Variants in RNF115 observed in about 807,000 individuals in gnomAD.
RNF115 encodes the protein ring finger protein 115.
Under a neutral mutation model 39.2 loss-of-function variants are expected in RNF115, and 31 were observed. The ratio of observed to expected loss-of-function variants is 0.79; its 90% CI spans 0.59 to 1.07. The LOEUF (loss-of-function observed/expected upper bound fraction) is 1.07, where lower values mean the gene tolerates loss of function less well. Ranked by LOEUF, RNF115 falls within the 50% of genes least tolerant of loss-of-function variation. The pLI is 0.00. For synonymous variants in RNF115, 124 were observed against 131.0 expected, an observed-to-expected ratio of 0.95 and a Z score of 0.37; for missense variants, 384 against 381.7, an observed-to-expected ratio of 1.01 and a Z score of -0.05.
At chr1:145,762,275 G>A (rs1397828114) in intron 4 of RNF115, among the ~76,000 whole-genome samples, 1 of 152,164 alleles carries the variant, frequency 6.6e-6, no homozygotes, top group Non-Finnish European at 1.5e-5. Flanking sequence ...GTGAAGACAT[G>A]AGATTTGGAG....
At position 145,771,834 on chromosome 1, in the gene RNF115, G is replaced by C; in HGVS notation, c.305C>G (p.Ala102Gly). The C allele has an allele frequency of 6.2e-7, 1 of 1,614,048 alleles. No homozygotes were observed. The highest frequency in any genetic ancestry group is 8.5e-7 in the Non-Finnish European group (1 of 1,179,932). The change falls in exon 4 of 9, where the codon GCC becomes GGC. Residue 102 changes from alanine (A) to glycine (G), a missense_variant. By Grantham distance (60) the Ala-to-Gly change is moderately conservative. Coordinates refer to ENST00000582693, the MANE Select transcript of RNF115 (RefSeq NM_014455.4). The part of the protein sequence containing the change: ...SSSPLDQDNR[A>G]NERGHQTHTD... ...GTGAGTCTGGTGACCCCTTTCATTG[G>C]CTCTATTATCTTGGTCCAGTGGACT...
At chr1:145,792,369 C>T (rs1313515391) in intron 1 of RNF115, among the ~76,000 whole-genome samples, 2 of 149,946 alleles carry the variant, frequency 1.3e-5, no homozygotes, top group African/African-American at 4.9e-5. Context: ...CTCATTCTGT[C>T]ACCTAGACTG....
rs1249854232 is a variant in RNF115, at chr1:145,750,282, GATTTTTTTTCTT to G, written c.667+113_667+124del. On this transcript the variant is annotated intron_variant, in intron 7 of 8. Coordinates refer to ENST00000582693, the MANE Select transcript of RNF115 (RefSeq NM_014455.4). ...GGTCCTTAATATAGGAAGGTATTGG[GATTTTTTTTCTT>G]ATTTTTTTGTCTTTTTATTTTGTTC... 1.0e-5 allele frequency: 8 copies of G among 767,568 alleles called. No individual in the cohort carries two copies. In the Admixed American group the frequency reaches 1.9e-4, roughly 19 times the overall value. The allele number at this position is 767,568 out of a possible 1,614,324, so 47.5% of individuals were successfully genotyped here.
rs1650469775 is a variant in RNF115 at position 145,824,039 on chromosome 1, C to G, written c.-166G>C. The stretch of plus-strand genomic sequence containing the variant: ...GGCCAGGCCCAGAAACGCGGCGGCG[C>G]CAACAGCTACCCTGCGGCCCGCCTC... On this transcript the variant is annotated 5_prime_UTR_variant, in exon 1 of 9. Transcript: ENST00000582693. 2.0e-6 allele frequency: 1 copy of G among 502,782 alleles called. No individual in the cohort carries two copies. Among genetic ancestry groups the G allele is most frequent in the Non-Finnish European group, 3.4e-6 (1 of 292,812 alleles). The allele number at this position is 502,782 out of a possible 1,614,324, so 31.1% of individuals were successfully genotyped here.
At chr1:145,819,224 C>T (rs1553724056) in intron 1 of RNF115, among the ~76,000 whole-genome samples, 2 of 142,186 alleles carry the variant, frequency 1.4e-5, no homozygotes, top group Non-Finnish European at 3.0e-5. Flanking sequence ...TCGCTTGAGC[C>T]TAGGAGTTCA....
chr1:145,799,257 G>A (rs1285387878), intron 1 of RNF115, among the ~76,000 whole-genome samples: 4 of 151,914 alleles, frequency 2.6e-5, no homozygotes, highest in African/African-American at 9.7e-5. Flanking sequence ...TAGTAAAGAC[G>A]GGGTTTCACC....
Position 145,742,705 on chromosome 1 carries a change from T to C in RNF115, c.*4161A>G, listed in dbSNP as rs1181005383. 5.9e-5 allele frequency: 9 copies of C among 152,238 alleles called. No individual in the cohort carries two copies. The highest frequency in any genetic ancestry group is 1.2e-4 in the Non-Finnish European group (8 of 68,036). The allele number at this position is 152,238 out of a possible 1,614,324, so 9.4% of individuals were successfully genotyped here. On this transcript the variant is annotated 3_prime_UTR_variant, in exon 9 of 9. Transcript: ENST00000582693. The stretch of plus-strand genomic sequence containing the variant: ...ATATATAAATATCTCTATTTACACA[T>C]ATATACATATATAAAAATGTGCAAT...
chr1:145,792,686 A>G (rs141594818), intron 1 of RNF115, among the ~76,000 whole-genome samples: 50 of 152,318 alleles, frequency 3.3e-4, no homozygotes, highest in African/African-American at 9.6e-4. Context: ...TATTTGTCCA[A>G]TGAAAAAGGA....
intron 4 of RNF115, among the ~76,000 whole-genome samples, chr1:145,762,042 T>C (rs1285645758): frequency 1.3e-5 from 2 of 152,208 alleles, no homozygotes; most frequent in Non-Finnish European, 2.9e-5. Context: ...TGTAACCCCT[T>C]TGATCTGGCC....
chr1:145,760,802 A>C (rs781957227), intron 4 of RNF115, among the ~76,000 whole-genome samples: 2 of 152,328 alleles, frequency 1.3e-5, no homozygotes, highest in East Asian at 3.9e-4. Context: ...TTTGGAACTA[A>C]GGAACAGGCA....
At chr1:145,749,926 T>C (rs1472479077) in intron 7 of RNF115, among the ~76,000 whole-genome samples, 1 of 152,206 alleles carries the variant, frequency 6.6e-6, no homozygotes, top group Non-Finnish European at 1.5e-5. Flanking sequence ...ATTCCTCCAG[T>C]GCTTACAAAT....
At position 145,749,646 on chromosome 1, in the gene RNF115, T is replaced by C. The variant is rs587624532; in HGVS notation, c.667+761A>G. ...AATCCTTTCCTTTCTGTTAGCATTGTCACCATCAACTGAACCTCATCTGGA... is the reference window on the plus strand; with the variant it reads ...AATCCTTTCCTTTCTGTTAGCATTGCCACCATCAACTGAACCTCATCTGGA... On this transcript the variant is annotated intron_variant, in intron 7 of 8. Coordinates refer to ENST00000582693, the MANE Select transcript of RNF115 (RefSeq NM_014455.4). Among the ~76,000 whole-genome samples, 3 of 152,310 alleles carry C rather than the reference T, an allele frequency of 2.0e-5. No individual in the cohort carries two copies. The South Asian group carries it at 6.2e-4, about 32-fold the overall frequency.
intron 1 of RNF115, among the ~76,000 whole-genome samples, chr1:145,819,283 A>AC (rs1650128271): frequency 7.5e-6 from 1 of 134,162 alleles, no homozygotes; most frequent in Non-Finnish European, 1.5e-5. Flanking sequence ...AAAAAAAAAA[A>AC]AAAAAAAAAA....
At chr1:145,784,321 G>C (rs1334256754) in intron 3 of RNF115, among the ~76,000 whole-genome samples, 1 of 152,156 alleles carries the variant, frequency 6.6e-6, no homozygotes, top group Non-Finnish European at 1.5e-5. Context: ...TACAGTTTGA[G>C]GCTATTACTT....
Position 145,743,899 on chromosome 1 carries a change from TAAG to T in RNF115, c.*2964_*2966del, listed in dbSNP as rs1314419592. 6 of 152,270 alleles carry T rather than the reference TAAG, an allele frequency of 3.9e-5. No individual in the cohort carries two copies. In the South Asian group the frequency reaches 6.2e-4, roughly 16 times the overall value. 9.4% of individuals were successfully genotyped at this position (152,270 alleles called of 1,614,324 possible). The stretch of plus-strand genomic sequence containing the variant: ...TGGACATCTGAGGTGCCTGCCATTA[TAAG>T]AAGAAACACAACAGATCCATTAAGT... On this transcript the variant is annotated 3_prime_UTR_variant, in exon 9 of 9. Transcript: ENST00000582693.
intron 3 of RNF115, among the ~76,000 whole-genome samples, chr1:145,778,462 A>G (rs1433149744): frequency 1.3e-5 from 2 of 152,200 alleles, no homozygotes; most frequent in African/African-American, 4.8e-5. Flanking sequence ...ACACTTTAAC[A>G]GGGTGAATTA....
At chr1:145,783,260 C>T (rs1176149716) in intron 3 of RNF115, among the ~76,000 whole-genome samples, 4 of 152,068 alleles carry the variant, frequency 2.6e-5, no homozygotes, top group South Asian at 2.1e-4. Flanking sequence ...CTAATCAACC[C>T]GGGCAGTTCA....
intron 1 of RNF115, among the ~76,000 whole-genome samples, chr1:145,806,962 G>A (rs901751053): frequency 3.9e-5 from 6 of 152,280 alleles, no homozygotes; most frequent in South Asian, 4.1e-4. Flanking sequence ...GCGCCACTGC[G>A]CCCAGCCGTA....
chr1:145,786,460 CCA>C (rs1360909230), intron 2 of RNF115, among the ~76,000 whole-genome samples: 5 of 152,228 alleles, frequency 3.3e-5, no homozygotes, highest in Middle Eastern at 3.4e-3. Flanking sequence ...CTCTTTCAAA[CCA>C]CAGAGTCTTT....
Sources: gnomAD v4.1 joint callset for allele counts (sites outside exome capture counted in the v4.1 genomes callset) on GRCh38, gnomAD v4.1.1 for gene constraint, MANE v1.5 for transcripts, NCBI Gene and HGNC (gene_info 2026-07-23, HGNC 2026-07-21) for gene names.